ERN1: variants seen among roughly 807,000 people sequenced by gnomAD.
ERN1 encodes serine/threonine-protein kinase/endoribonuclease IRE1.
A neutral mutation model predicts 113.1 loss-of-function variants in ERN1; 39 were observed. The observed-to-expected ratio is 0.34, with a 90% CI of 0.27 to 0.45. The LOEUF (loss-of-function observed/expected upper bound fraction) is 0.45. Among genes scored for constraint, ERN1 ranks in the 20% least tolerant of loss-of-function variants. The pLI, the probability that ERN1 is intolerant of heterozygous loss-of-function variation, is 1.00. For missense variants in ERN1, 976 were observed against 1,274.8 expected, an observed-to-expected ratio of 0.77 and a Z score of 3.57; for synonymous variants, 507 against 515.9, an observed-to-expected ratio of 0.98 and a Z score of 0.23.
chr17:64,108,431 GA>G (rs1158521912), intron 1 of ERN1, among the ~76,000 whole-genome samples: 1 of 152,134 alleles, frequency 6.6e-6, no homozygotes, highest in Admixed American at 6.5e-5. Context: ...GGTGCTACAT[GA>G]AATCGTTTTC....
In ERN1 at chr17:64,039,488, A is replaced by G. The variant is rs1005452713; in HGVS notation, c.*4500T>C. 2.6e-5 allele frequency: 4 copies of G among 152,248 alleles called. No homozygotes were observed. The highest frequency in any genetic ancestry group is 4.8e-5 in the African/African-American group (2 of 41,470). 9.4% of individuals were successfully genotyped at this position (152,248 alleles called of 1,614,324 possible). A position where few individuals can be genotyped will look rare whatever the true frequency, so the allele number is the denominator to read the frequency against. ...CGACCAAATTAATCACCCTTTAATA[A>G]TAAGACTACTGTAAAGCATCCATCC... On this transcript the variant is annotated 3_prime_UTR_variant, in exon 22 of 22. Coordinates refer to ENST00000433197, the MANE Select transcript of ERN1 (RefSeq NM_001433.5).
intron 1 of ERN1, among the ~76,000 whole-genome samples, chr17:64,109,809 T>C (rs1236611661): frequency 6.6e-6 from 1 of 152,156 alleles, no homozygotes. Flanking sequence ...CGTCTAGCCC[T>C]TTTGCCCACT....
intron 1 of ERN1, among the ~76,000 whole-genome samples, chr17:64,122,592 C>G (rs1914982095): frequency 6.6e-6 from 1 of 152,186 alleles, no homozygotes; most frequent in Non-Finnish European, 1.5e-5. Flanking sequence ...AAATCCTGTT[C>G]ACTTTAGGAT....
intron 1 of ERN1, among the ~76,000 whole-genome samples, chr17:64,119,706 A>C (rs1914906860): frequency 6.6e-6 from 1 of 151,256 alleles, no homozygotes; most frequent in Admixed American, 6.6e-5. Context: ...AAATAAAGTT[A>C]GAACTTTATT....
At chr17:64,093,357 C>A (rs1323072284) in intron 2 of ERN1, among the ~76,000 whole-genome samples, 1 of 152,180 alleles carries the variant, frequency 6.6e-6, no homozygotes, top group African/African-American at 2.4e-5. Context: ...GCAGTACACC[C>A]CTGCCTGGCC....
At chr17:64,070,967 C>A (rs1202785005) in intron 6 of ERN1, among the ~76,000 whole-genome samples, 4 of 152,168 alleles carry the variant, frequency 2.6e-5, no homozygotes, top group Non-Finnish European at 5.9e-5. Context: ...GAGACAGCAG[C>A]TGAGCAAAAC....
intron 20 of ERN1, 117 bp downstream of exon 20, chr17:64,045,242 C>G (rs1241971444): frequency 8.2e-7 from 1 of 1,226,690 alleles, no homozygotes; most frequent in Non-Finnish European, 1.2e-6. Context: ...AAGTCTCAAA[C>G]CTGACAGGTG....
intron 1 of ERN1, among the ~76,000 whole-genome samples, chr17:64,124,972 T>G (rs930520155): frequency 6.6e-6 from 1 of 152,092 alleles, no homozygotes; most frequent in South Asian, 2.1e-4. Flanking sequence ...ACTAGGAGGT[T>G]TGGGGGGAAA....
At chr17:64,062,194 C>CTTAT (rs1300084998) in intron 10 of ERN1, among the ~76,000 whole-genome samples, 1 of 152,250 alleles carries the variant, frequency 6.6e-6, no homozygotes, top group East Asian at 1.9e-4. Context: ...CTCTCCCGGG[C>CTTAT]TTATATATGC....
intron 19 of ERN1, among the ~76,000 whole-genome samples, chr17:64,047,370 T>A (rs917418351): frequency 5.3e-5 from 8 of 151,942 alleles, no homozygotes; most frequent in African/African-American, 1.9e-4. Flanking sequence ...TCAAAAAAAA[T>A]AAAAATAAAT....
chr17:64,084,817 C>T (rs929971916), intron 2 of ERN1, among the ~76,000 whole-genome samples: 1 of 152,150 alleles, frequency 6.6e-6, no homozygotes, highest in Non-Finnish European at 1.5e-5. Flanking sequence ...CCAGCCATGC[C>T]GGCCTCCAAG....
Position 64,085,381 on chromosome 17 carries a change from G to C in ERN1, c.176-4573C>G, listed in dbSNP as rs1170550510. 7.9e-5 allele frequency among the ~76,000 whole-genome samples: 12 copies of C among 152,146 alleles called. 1 individual carries two copies. Among genetic ancestry groups the C allele is most frequent in the Admixed American group, 7.9e-4 (12 of 15,274 alleles). ...GAGCTCACAGGGCGAGAGAAGCAGCGAGAGGGGAGAAGGTGCCAGGCTCTT... is the reference window on the plus strand; with the variant it reads ...GAGCTCACAGGGCGAGAGAAGCAGCCAGAGGGGAGAAGGTGCCAGGCTCTT... On this transcript the variant is annotated intron_variant, in intron 2 of 21. Transcript: ENST00000433197.
intron 1 of ERN1, among the ~76,000 whole-genome samples, chr17:64,119,376 G>GTTGTTTTTTGTTTTTTTTTTT (rs777806993): frequency 6.4e-5 from 5 of 77,904 alleles, no homozygotes; most frequent in African/African-American, 2.8e-4. Flanking sequence ...TTTTTTCTAG[G>GTTGTTTTTTGTTTTTTTTTTT]TTTTTTTTTT....
chr17:64,082,878 T>C (rs1913811625), intron 2 of ERN1, among the ~76,000 whole-genome samples: 1 of 151,792 alleles, frequency 6.6e-6, no homozygotes, highest in South Asian at 2.1e-4. Context: ...TAGGAGAAGA[T>C]AAACTCCAGT....
chr17:64,055,724 G>A lies in ERN1; in HGVS notation c.1623C>T (p.Ser541=), dbSNP rs769636079. Residue 541 remains serine (S), a synonymous_variant, in exon 13 of 22, where the codon AGC becomes AGT. Coordinates refer to ENST00000433197, the MANE Select transcript of ERN1 (RefSeq NM_001433.5). ...GGCTGCTGCCAGCCTTGGAGGCAGA[G>A]CTGCCGGAGCAGAGCGAGTGGTTGG... ...RASNHSLCSG[S]SASKAGSSPS... is the part of the protein sequence containing the mutation. 1 of 1,610,034 alleles carries A rather than the reference G, an allele frequency of 6.2e-7. No individual in the cohort carries two copies. Among genetic ancestry groups the A allele is most frequent in the African/African-American group, 1.3e-5 (1 of 74,854 alleles).
intron 1 of ERN1, among the ~76,000 whole-genome samples, chr17:64,121,088 T>C (rs1914942949): frequency 6.6e-6 from 1 of 152,142 alleles, no homozygotes; most frequent in Admixed American, 6.5e-5. Flanking sequence ...CTTCCCCCCT[T>C]GCTCCTTCCT....
At chr17:64,102,271 G>A (rs924125560) in intron 1 of ERN1, among the ~76,000 whole-genome samples, 1 of 152,140 alleles carries the variant, frequency 6.6e-6, no homozygotes, top group African/African-American at 2.4e-5. Flanking sequence ...AGGCAACAGA[G>A]CAAGACTCTG....
intron 2 of ERN1, among the ~76,000 whole-genome samples, chr17:64,093,251 A>C (rs1914137892): frequency 6.6e-6 from 1 of 152,216 alleles, no homozygotes; most frequent in Non-Finnish European, 1.5e-5. Context: ...GGTGAGTTAA[A>C]GGTATGTGTT....
intron 2 of ERN1, among the ~76,000 whole-genome samples, chr17:64,086,571 C>T (rs2143426284): frequency 7.0e-6 from 1 of 143,194 alleles, no homozygotes; most frequent in Middle Eastern, 3.6e-3. Context: ...AATAAAGCTT[C>T]TGTGAACATT....
Sources: allele counts gnomAD v4.1 joint callset (sites outside exome capture counted in the v4.1 genomes callset), GRCh38; gene constraint gnomAD v4.1.1; transcripts MANE v1.5; gene names NCBI Gene and HGNC (gene_info 2026-07-23, HGNC 2026-07-21).